The following CRTC3 variants were observed in gnomAD, a reference collection of about 807,000 sequenced individuals.
CRTC3 encodes CREB-regulated transcription coactivator 3.
CRTC3 carries 26 observed loss-of-function variants against 74.5 expected under a neutral mutation model. That is an observed-to-expected ratio of 0.35 (90% confidence interval 0.26 to 0.48). The LOEUF is 0.48. Ranked by LOEUF, CRTC3 falls within the 20% of genes least tolerant of loss-of-function variation. The pLI is 0.99. For synonymous variants in CRTC3, 377 were observed against 325.8 expected (o/e 1.16, Z -1.69); for missense variants, 760 against 787.3 (o/e 0.97, Z 0.41).
At chr15:90,625,217 CGGA>C (rs1394874148) in intron 9 of CRTC3, among the ~76,000 whole-genome samples, 2 of 85,080 alleles carry the variant, frequency 2.4e-5, no homozygotes, top group African/African-American at 1.6e-4. Flanking sequence ...CTGACCCCGG[CGGA>C]CACACTCGCC....
intron 2 of CRTC3, among the ~76,000 whole-genome samples, chr15:90,571,571 G>T (rs1028484268): frequency 1.3e-5 from 2 of 152,082 alleles, no homozygotes; most frequent in Non-Finnish European, 2.9e-5. Context: ...GTCCTAAGGC[G>T]GTGTAAAGCT....
intron 2 of CRTC3, among the ~76,000 whole-genome samples, chr15:90,575,562 T>C (rs570311309): frequency 1.3e-5 from 2 of 152,362 alleles, no homozygotes; most frequent in South Asian, 4.1e-4. Context: ...TCAACACTAT[T>C]TATGAATAAT....
intron 2 of CRTC3, among the ~76,000 whole-genome samples, chr15:90,545,811 T>A (rs184089784): frequency 1.3e-5 from 2 of 151,920 alleles, no homozygotes; most frequent in Admixed American, 1.3e-4. Flanking sequence ...ATCTCCTGAC[T>A]TTGTGATCCG....
chr15:90,621,229 A>C (rs1968641524), intron 9 of CRTC3, among the ~76,000 whole-genome samples: 3 of 152,186 alleles, frequency 2.0e-5, no homozygotes, highest in Admixed American at 2.0e-4. Context: ...CCATCAGATA[A>C]CCTTCAGGCT....
chr15:90,572,367 C>G (rs1483314244), intron 2 of CRTC3, among the ~76,000 whole-genome samples: 4 of 152,018 alleles, frequency 2.6e-5, no homozygotes, highest in African/African-American at 9.7e-5. Context: ...AGGGAACATT[C>G]TTGTTATGAT....
At chr15:90,592,234 G>A (rs772621801) in intron 2 of CRTC3, among the ~76,000 whole-genome samples, 2 of 152,148 alleles carry the variant, frequency 1.3e-5, no homozygotes, top group South Asian at 2.1e-4. Flanking sequence ...CTCAATTGAC[G>A]TAAAACTCTG....
intron 2 of CRTC3, among the ~76,000 whole-genome samples, chr15:90,590,285 T>G (rs1967769793): frequency 6.7e-6 from 1 of 150,338 alleles, no homozygotes; most frequent in South Asian, 2.1e-4. Context: ...ACAGCAAAAC[T>G]CCGTCTCAAA....
chr15:90,560,836 G>C (rs948139252), intron 2 of CRTC3, among the ~76,000 whole-genome samples: 7 of 152,170 alleles, frequency 4.6e-5, no homozygotes, highest in African/African-American at 1.7e-4. Flanking sequence ...TCTCACATAA[G>C]AACTGTCTTG....
At chr15:90,631,535 C>T (rs569110454) in intron 11 of CRTC3, among the ~76,000 whole-genome samples, 1 of 151,924 alleles carries the variant, frequency 6.6e-6, no homozygotes, top group East Asian at 1.9e-4. Flanking sequence ...TGAGTCCAGC[C>T]TGGTTAACAT....
Position 90,558,070 on chromosome 15 carries a change from T to C in CRTC3, c.231+17933T>C, listed in dbSNP as rs1043641603. Among the ~76,000 whole-genome samples the C allele has an allele frequency of 9.2e-5, 14 of 152,222 alleles. 1 individual carries two copies. The South Asian group carries it at 2.9e-3, about 32-fold the overall frequency. On this transcript the variant is annotated intron_variant, in intron 2 of 14. Transcript: ENST00000268184. ...CAGGAAACCTCTGTTCTGGACACTT[T>C]TCTCTGTAAATGACAACTTAGTTCT...
chr15:90,539,614 T>G, intron 1 of CRTC3: 1 of 207,624 alleles, frequency 4.8e-6, no homozygotes, highest in Non-Finnish European at 9.6e-6. Flanking sequence ...GTTGTACCTA[T>G]CTTATGATCA....
chr15:90,559,923 G>A (rs1358830131), intron 2 of CRTC3, among the ~76,000 whole-genome samples: 6 of 152,182 alleles, frequency 3.9e-5, no homozygotes, highest in African/African-American at 1.2e-4. Flanking sequence ...GATTACAGGC[G>A]TGAGCCACCA....
At position 90,625,919 on chromosome 15, in the gene CRTC3, G is replaced by A; in HGVS notation, c.893G>A (p.Gly298Asp). The change falls in exon 10 of 15, where the codon GGC becomes GAC. Residue 298 changes from glycine (G) to aspartate (D), a missense_variant. By Grantham distance (94) the Gly-to-Asp change is moderately conservative. This residue lies in a region of CRTC3 where 652 missense variants were observed against 635.2 expected (regional missense o/e 1.03). Coordinates refer to ENST00000268184, the MANE Select transcript of CRTC3 (RefSeq NM_022769.5). ...CTGGACACCACCGACCACCACTTTG[G>A]CAGTATGAGTGTGGGGAATAGTGTG... ...ASLDTTDHHF[G>D]SMSVGNSVNN... 6.2e-7 allele frequency: 1 copy of A among 1,614,138 alleles called. No individual in the cohort carries two copies. Among genetic ancestry groups the A allele is most frequent in the Non-Finnish European group, 8.5e-7 (1 of 1,180,032 alleles).
intron 9 of CRTC3, among the ~76,000 whole-genome samples, chr15:90,622,695 A>C (rs766833711): frequency 5.5e-4 from 84 of 152,104 alleles, no homozygotes; most frequent in Non-Finnish European, 1.0e-3. Flanking sequence ...TACTAAAAAT[A>C]CAAAAATTTG....
intron 2 of CRTC3, among the ~76,000 whole-genome samples, chr15:90,588,045 C>T (rs761504048): frequency 6.6e-6 from 1 of 151,576 alleles, no homozygotes; most frequent in Non-Finnish European, 1.5e-5. Flanking sequence ...GCCAGGAGAT[C>T]GAGATCAGCC....
At chr15:90,597,451 T>C (rs1476188169) in intron 3 of CRTC3, among the ~76,000 whole-genome samples, 1 of 152,096 alleles carries the variant, frequency 6.6e-6, no homozygotes, top group Non-Finnish European at 1.5e-5. Flanking sequence ...CCTACTAGAG[T>C]TAGGAATGAT....
intron 2 of CRTC3, among the ~76,000 whole-genome samples, chr15:90,571,794 A>T (rs1369941419): frequency 6.6e-6 from 1 of 152,098 alleles, no homozygotes; most frequent in African/African-American, 2.4e-5. Context: ...AAGTATATGC[A>T]AGCGTGTGTG....
intron 10 of CRTC3, 90 bp from the exon 11 acceptor site, chr15:90,629,144 C>T: frequency 3.2e-6 from 4 of 1,232,588 alleles, no homozygotes; most frequent in Non-Finnish European, 3.4e-6. Context: ...ATCATCATCG[C>T]ATGTGACAGT....
rs1300604928 is a variant in CRTC3 at position 90,617,900 on chromosome 15, C to A, written c.631C>A (p.Pro211Thr). The change falls in exon 8 of 15, where the codon CCA becomes ACA. Residue 211 changes from proline to threonine, a missense_variant. By Grantham distance (38) the Pro-to-Thr change is conservative. This residue lies in a region of CRTC3 where 652 missense variants were observed against 635.2 expected (regional missense o/e 1.03). Transcript: ENST00000268184. Reference protein sequence around the residue: ...GHGEVASFPGPLKEENLLNVP... With the variant: ...GHGEVASFPGTLKEENLLNVP... ...CCCTTTAGTAGCATCTTTCCCTGGC[C>A]CATTGAAAGAAGAGAATCTGTTAAA... The A allele has an allele frequency of 2.5e-6, 4 of 1,612,036 alleles. No individual in the cohort carries two copies. Among genetic ancestry groups the A allele is most frequent in the Non-Finnish European group, 3.4e-6 (4 of 1,178,294 alleles).
Sources: allele counts gnomAD v4.1 joint callset (sites outside exome capture counted in the v4.1 genomes callset), GRCh38; gene constraint gnomAD v4.1.1; regional missense constraint gnomAD v4.1.1; transcripts MANE v1.5; gene names NCBI Gene and HGNC (gene_info 2026-07-23, HGNC 2026-07-21).